The following SORBS2 variants were observed in gnomAD, a reference collection of about 807,000 sequenced individuals.
The protein encoded by SORBS2 is sorbin and SH3 domain containing 2, also known as sorbin and SH3 domain-containing protein 2.
Under a neutral mutation model 97.7 loss-of-function variants are expected in SORBS2, and 46 were observed. That is an observed-to-expected ratio of 0.47 (90% CI 0.37 to 0.60). The LOEUF is 0.60. SORBS2 is among the 20% of genes least tolerant of loss of function. SORBS2 has a pLI of 0.00. For missense variants in SORBS2, 1,316 were observed against 1,282.3 expected (o/e 1.03, Z -0.40); for synonymous variants, 476 against 473.4 (o/e 1.01, Z -0.07).
At chr4:185,872,468 C>G (rs866962354) in intron 1 of SORBS2, among the ~76,000 whole-genome samples, 1 of 152,110 alleles carries the variant, frequency 6.6e-6, no homozygotes, top group Non-Finnish European at 1.5e-5. Context: ...AACATCTGTG[C>G]GCGTGGAATG....
At chr4:185,643,623 T>A (rs944587431) in intron 4 of SORBS2, among the ~76,000 whole-genome samples, 1 of 152,060 alleles carries the variant, frequency 6.6e-6, no homozygotes, top group Non-Finnish European at 1.5e-5. Context: ...GGAGCAGCAG[T>A]GGCACTTCTC....
In SORBS2 at chr4:185,622,946, C is replaced by T. The variant is rs544041329; in HGVS notation, c.2183G>A (p.Cys728Tyr). ...TGCACCGCCACGGTCTTGGTGGTGG[C>T]AGCTGCTGTTGGCTGTGTCCACGTC... The change falls in exon 7 of 15, where the codon TGC becomes TAC. Residue 728 changes from cysteine to tyrosine, a missense_variant. Transcript: ENST00000418609. 8.7e-6 allele frequency: 14 copies of T among 1,612,842 alleles called. No homozygotes were observed. The South Asian group carries it at 1.4e-4, about 16-fold the overall frequency.
intron 1 of SORBS2, among the ~76,000 whole-genome samples, chr4:185,890,873 G>C (rs569141490): frequency 1.8e-4 from 27 of 152,204 alleles, no homozygotes; most frequent in Admixed American, 1.7e-3. Flanking sequence ...TTTAAGGGTA[G>C]GACAAAACTA....
chr4:185,795,802 T>C (rs4862573), intron 1 of SORBS2, among the ~76,000 whole-genome samples: 149,131 of 152,286 alleles, frequency 0.98, 73,083 homozygotes, highest in East Asian at 1. Context: ...GTTCCACCTA[T>C]ATCTCCATCT....
At chr4:185,792,870 G>A (rs924226102) in intron 1 of SORBS2, among the ~76,000 whole-genome samples, 13 of 152,204 alleles carry the variant, frequency 8.5e-5, no homozygotes, top group Admixed American at 6.5e-4. Context: ...TTTGGAATGT[G>A]GCCGACTCAA....
chr4:185,704,762 G>A lies in SORBS2; in HGVS notation c.-197-25940C>T, dbSNP rs528080862. ...CATTCAGCTCTGGGAAGGGCAGCATGCTTCTATCTCAGTCCCACAGTTCAT... is the reference window on the plus strand; with the variant it reads ...CATTCAGCTCTGGGAAGGGCAGCATACTTCTATCTCAGTCCCACAGTTCAT... On this transcript the variant is annotated intron_variant, in intron 2 of 20. Transcript: ENST00000284776. 3.3e-5 allele frequency among the ~76,000 whole-genome samples: 5 copies of A among 152,294 alleles called. No individual in the cohort carries two copies. In the East Asian group the frequency reaches 5.8e-4, roughly 18 times the overall value.
At chr4:185,939,588 G>A (rs993144785) in intron 1 of SORBS2, among the ~76,000 whole-genome samples, 8 of 152,050 alleles carry the variant, frequency 5.3e-5, no homozygotes, top group Admixed American at 1.3e-4. Flanking sequence ...TCGGCTCACC[G>A]CAACCTCTGC....
chr4:185,936,893 A>C (rs1481905731), intron 1 of SORBS2, among the ~76,000 whole-genome samples: 1 of 152,216 alleles, frequency 6.6e-6, no homozygotes, highest in Non-Finnish European at 1.5e-5. Flanking sequence ...TGTCAGTTTC[A>C]CTGAAGGTGG....
Position 185,606,839 on chromosome 4 carries a change from G to A in SORBS2, c.2796+4941C>T. 1.0e-6 allele frequency: 1 copy of A among 985,380 alleles called. No homozygotes were observed. Among genetic ancestry groups the A allele is most frequent in the Non-Finnish European group, 1.2e-6 (1 of 829,930 alleles). 61.0% of individuals were successfully genotyped at this position (985,380 alleles called of 1,614,324 possible). On this transcript the variant is annotated intron_variant, in intron 12 of 14. Transcript: ENST00000418609. The surrounding 1 kb of genome is among the most constrained non-coding windows in gnomAD (Gnocchi z 4.3). ...TCTTCCTCTCCAATGACCGGAAGGG[G>A]TACAGGCAAGGAACCCACGCTGGTG... is the stretch of plus-strand genomic sequence containing the variant.
intron 11 of SORBS2, among the ~76,000 whole-genome samples, chr4:185,613,715 CA>C (rs1242455460): frequency 6.6e-6 from 1 of 150,668 alleles, no homozygotes; most frequent in African/African-American, 2.4e-5. Flanking sequence ...TCTAGTATAC[CA>C]AGAACAGGTA....
intron 1 of SORBS2, among the ~76,000 whole-genome samples, chr4:185,892,896 T>C (rs996699194): frequency 6.6e-6 from 1 of 152,170 alleles, no homozygotes; most frequent in East Asian, 1.9e-4. Context: ...GGCTGTACAC[T>C]TAAAAATGGC....
At chr4:185,597,597 C>G (rs1185495060) in intron 12 of SORBS2, among the ~76,000 whole-genome samples, 1 of 152,192 alleles carries the variant, frequency 6.6e-6, no homozygotes, top group Non-Finnish European at 1.5e-5. Context: ...TGATGGACTA[C>G]TTGGCCTACC....
chr4:185,861,749 G>A (rs1405674856), intron 1 of SORBS2, among the ~76,000 whole-genome samples: 2 of 152,186 alleles, frequency 1.3e-5, no homozygotes, highest in African/African-American at 4.8e-5. Context: ...GGGATTACAG[G>A]CACCTGCCAC....
chr4:185,718,890 T>G (rs1192955006), intron 2 of SORBS2, among the ~76,000 whole-genome samples: 1 of 152,222 alleles, frequency 6.6e-6, no homozygotes. Context: ...AGAGCAGTTG[T>G]GTGCCTTAAT....
rs546899185 is a variant in SORBS2 at position 185,902,675 on chromosome 4, T to G, written c.-338+53521A>C. Among the ~76,000 whole-genome samples, 3 of 141,568 alleles carry G rather than the reference T, an allele frequency of 2.1e-5. No homozygotes were observed. The Admixed American group carries it at 2.1e-4, about 10-fold the overall frequency. The allele number at this position is 141,568 out of a possible 152,430, so 92.9% of individuals were successfully genotyped here. ...GTGAGGAAGAGGTTAGAGATAAAAA[T>G]GGTGTTTTTACTTAAAAAAAAAAAA... On this transcript the variant is annotated intron_variant, in intron 1 of 20. Coordinates refer to the SORBS2 transcript ENST00000284776.
chr4:185,614,766 G>T, intron 11 of SORBS2, 65 bp downstream of exon 23: 1 of 1,569,434 alleles, frequency 6.4e-7, no homozygotes, highest in Non-Finnish European at 8.7e-7. Context: ...AAAATATACA[G>T]CCTTTTCAAA....
chr4:185,678,738 A>G (rs973079712), intron 3 of SORBS2, 58 bp downstream of exon 6: 22 of 1,249,170 alleles, frequency 1.8e-5, no homozygotes, highest in Non-Finnish European at 2.3e-5. Context: ...GTGGCTATGA[A>G]TATGTTTTCT....
chr4:185,672,613 G>A (rs552089517), intron 4 of SORBS2, among the ~76,000 whole-genome samples: 1 of 152,342 alleles, frequency 6.6e-6, no homozygotes, highest in East Asian at 1.9e-4. Flanking sequence ...TGTCAAATAT[G>A]AAGAGAATTT....
At chr4:185,943,796 T>C (rs1441644107) in intron 1 of SORBS2, among the ~76,000 whole-genome samples, 1 of 152,262 alleles carries the variant, frequency 6.6e-6, no homozygotes, top group African/African-American at 2.4e-5. Context: ...ATTGAGGCCA[T>C]GTAATACAAT....
Sources: gnomAD v4.1 joint callset for allele counts (sites outside exome capture counted in the v4.1 genomes callset) on GRCh38, gnomAD v4.1.1 for gene constraint, Gnocchi (gnomAD v3.1) non-coding constraint, MANE v1.5 for transcripts, NCBI Gene and HGNC (gene_info 2026-07-23, HGNC 2026-07-21) for gene names.